Variants in KCNH5 observed in about 807,000 individuals in gnomAD.
KCNH5 encodes potassium voltage-gated channel subfamily H member 5, also known as voltage-gated delayed rectifier potassium channel KCNH5.
Under a neutral mutation model 96.1 loss-of-function variants are expected in KCNH5, and 46 were observed. That is an observed-to-expected ratio of 0.48 (90% CI 0.38 to 0.61). The LOEUF (loss-of-function observed/expected upper bound fraction) is 0.61. KCNH5 is among the 20% of genes least tolerant of loss of function. The pLI is 0.00. For missense variants in KCNH5, 907 were observed against 1,225.8 expected (o/e 0.74, Z 3.88); for synonymous variants, 439 against 449.8 (o/e 0.98, Z 0.30).
At chr14:62,764,144 A>C (rs910046696) in intron 10 of KCNH5, among the ~76,000 whole-genome samples, 3 of 152,158 alleles carry the variant, frequency 2.0e-5, no homozygotes, top group Non-Finnish European at 4.4e-5. Context: ...CTAGCAAACC[A>C]AAACCAGCAG....
chr14:62,793,133 A>C (rs966835854), intron 9 of KCNH5, among the ~76,000 whole-genome samples: 1 of 151,760 alleles, frequency 6.6e-6, no homozygotes, highest in Non-Finnish European at 1.5e-5. Flanking sequence ...AGTGGCTGTC[A>C]GGGCTTGGAA....
At chr14:63,018,380 C>A (rs945794804) in intron 1 of KCNH5, among the ~76,000 whole-genome samples, 1 of 151,874 alleles carries the variant, frequency 6.6e-6, no homozygotes, top group African/African-American at 2.4e-5. Context: ...TAATATACCT[C>A]AAATCCTTCT....
At chr14:62,907,851 T>A (rs1404710781) in intron 7 of KCNH5, among the ~76,000 whole-genome samples, 2 of 152,182 alleles carry the variant, frequency 1.3e-5, no homozygotes, top group African/African-American at 4.8e-5. Context: ...TGTAACAGCA[T>A]AATAAAGAAC....
intron 6 of KCNH5, among the ~76,000 whole-genome samples, chr14:62,955,890 C>T (rs916369238): frequency 1.3e-5 from 2 of 152,106 alleles, no homozygotes; most frequent in Non-Finnish European, 2.9e-5. Context: ...ACAGGTTGAA[C>T]GAATCGTCCA....
At chr14:63,022,803 G>A (rs1251017966) in intron 1 of KCNH5, among the ~76,000 whole-genome samples, 1 of 152,050 alleles carries the variant, frequency 6.6e-6, no homozygotes, top group African/African-American at 2.4e-5. Context: ...ATCTTTCCCT[G>A]ACTGCTGATG....
chr14:62,811,865 T>G (rs1057458430), intron 8 of KCNH5, among the ~76,000 whole-genome samples: 67 of 152,294 alleles, frequency 4.4e-4, no homozygotes, highest in African/African-American at 1.5e-3. Context: ...TATTAAGCAC[T>G]GGTTACGTGT....
At chr14:63,003,520 ATAT>A (rs1246036765) in intron 3 of KCNH5, among the ~76,000 whole-genome samples, 2 of 114,732 alleles carry the variant, frequency 1.7e-5, no homozygotes, top group Admixed American at 9.4e-5. Context: ...TATATTTTAT[ATAT>A]TTTATATATA....
At chr14:63,017,804 A>T (rs1891354029) in intron 1 of KCNH5, among the ~76,000 whole-genome samples, 1 of 151,808 alleles carries the variant, frequency 6.6e-6, no homozygotes, top group Non-Finnish European at 1.5e-5. Context: ...ATTTCACCTA[A>T]GAAAATTTCC....
At chr14:62,912,592 A>G (rs184627216) in intron 7 of KCNH5, among the ~76,000 whole-genome samples, 3 of 152,106 alleles carry the variant, frequency 2.0e-5, no homozygotes, top group Admixed American at 2.0e-4. Flanking sequence ...TTTTTAGTAG[A>G]GACGGGGTTT....
intron 7 of KCNH5, among the ~76,000 whole-genome samples, chr14:62,867,094 G>GT (rs1273553881): frequency 1.3e-5 from 2 of 152,098 alleles, no homozygotes; most frequent in African/African-American, 4.8e-5. Flanking sequence ...ATCTCCCCAT[G>GT]GTTATCAGCA....
chr14:62,782,221 TTA>T (rs1886234164), intron 9 of KCNH5, among the ~76,000 whole-genome samples: 1 of 152,050 alleles, frequency 6.6e-6, no homozygotes, highest in Admixed American at 6.5e-5. Context: ...GTGAGTGAGA[TTA>T]CACATTCTTT....
chr14:62,740,128 G>T (rs565206500), intron 10 of KCNH5, among the ~76,000 whole-genome samples: 2 of 152,166 alleles, frequency 1.3e-5, no homozygotes, highest in African/African-American at 4.8e-5. Flanking sequence ...CAAAGGTCAA[G>T]TAGGAGTCCC....
At chr14:63,012,802 C>A (rs1212640661) in intron 2 of KCNH5, among the ~76,000 whole-genome samples, 1 of 151,378 alleles carries the variant, frequency 6.6e-6, no homozygotes, top group Non-Finnish European at 1.5e-5. Context: ...AGTAAGAAAC[C>A]ATAAATATTA....
At chr14:62,808,156 T>A (rs1417355009) in intron 8 of KCNH5, among the ~76,000 whole-genome samples, 1 of 152,180 alleles carries the variant, frequency 6.6e-6, no homozygotes. Context: ...GATACAGTTT[T>A]ACATGTAAGG....
chr14:62,867,226 C>A (rs927624618), intron 7 of KCNH5, among the ~76,000 whole-genome samples: 1 of 152,126 alleles, frequency 6.6e-6, no homozygotes, highest in Non-Finnish European at 1.5e-5. Context: ...CACATAGATA[C>A]GTGATAAGTA....
At chr14:62,801,929 T>A (rs1326372529) in intron 9 of KCNH5, among the ~76,000 whole-genome samples, 1 of 152,104 alleles carries the variant, frequency 6.6e-6, no homozygotes, top group East Asian at 1.9e-4. Flanking sequence ...TGGACCTCAC[T>A]TGGCTCCTCT....
intron 1 of KCNH5, among the ~76,000 whole-genome samples, chr14:63,031,203 A>G (rs1050810870): frequency 2.0e-5 from 3 of 152,038 alleles, no homozygotes; most frequent in Admixed American, 1.3e-4. Flanking sequence ...CTGTCAGACT[A>G]TATTTCTGAA....
rs150909460 is a variant in KCNH5 at position 62,912,418 on chromosome 14, T to G, written c.1369+37715A>C. On this transcript the variant is annotated intron_variant, in intron 7 of 10. Coordinates refer to ENST00000322893, the MANE Select transcript of KCNH5 (RefSeq NM_139318.5). ...CTTCCTTCTATATCTTGATTTTTTT[T>G]TTTTTTAGACGGAGTTTCGCTTTTT... 2.4e-3 allele frequency among the ~76,000 whole-genome samples: 369 copies of G among 152,250 alleles called. 2 individuals carry two copies. Among genetic ancestry groups the G allele is most frequent in the African/African-American group, 8.8e-3 (365 of 41,552 alleles).
intron 7 of KCNH5, among the ~76,000 whole-genome samples, chr14:62,910,941 A>ACACACCCCCC (rs61033705): frequency 7.1e-6 from 1 of 140,784 alleles, no homozygotes; most frequent in East Asian, 2.1e-4. Context: ...ACACACACAC[A>ACACACCCCCC]CCCCTCTGTT....
Sources: gnomAD v4.1 joint callset for allele counts (sites outside exome capture counted in the v4.1 genomes callset) on GRCh38, gnomAD v4.1.1 for gene constraint, MANE v1.5 for transcripts, NCBI Gene and HGNC (gene_info 2026-07-23, HGNC 2026-07-21) for gene names.